The following SLC25A25 variants were observed in gnomAD, a reference collection of about 807,000 sequenced individuals.
SLC25A25 encodes the protein solute carrier family 25 member 25.
Under a neutral mutation model 57.7 loss-of-function variants are expected in SLC25A25, and 32 were observed. The ratio of observed to expected loss-of-function variants is 0.55; its 90% CI spans 0.42 to 0.74. SLC25A25 has a LOEUF of 0.74. SLC25A25 is among the 30% of genes least tolerant of loss of function. The pLI, the probability that SLC25A25 is intolerant of heterozygous loss-of-function variation, is 0.00. For synonymous variants in SLC25A25, 306 were observed against 291.2 expected, an observed-to-expected ratio of 1.05 and a Z score of -0.52; for missense variants, 556 against 701.3, an observed-to-expected ratio of 0.79 and a Z score of 2.34.
In SLC25A25 at chr9:128,106,484, C is replaced by T. The variant is rs144905207; in HGVS notation, c.1176C>T (p.Ile392=). 1.1e-4 allele frequency: 179 copies of T among 1,611,718 alleles called. No homozygotes were observed. In the African/African-American group the frequency reaches 2.2e-3, roughly 20 times the overall value. The change falls in exon 9 of 11, where the codon ATC becomes ATT. Residue 392 remains isoleucine (I), a synonymous_variant. Transcript: ENST00000373069. ...YKGYVPNMLG[I]IPYAGIDLAV... ...GCTATGTCCCCAACATGCTGGGCAT[C>T]ATCCCCTATGCCGGCATCGACCTTG...
intron 1 of SLC25A25, chr9:128,092,174 G>A: frequency 1.3e-6 from 2 of 1,509,646 alleles, no homozygotes; most frequent in Non-Finnish European, 8.9e-7. Context: ...TGGGGAGGAA[G>A]GGAGAACTCA....
At chr9:128,096,316 C>T (rs181312637) in intron 1 of SLC25A25, among the ~76,000 whole-genome samples, 1 of 152,282 alleles carries the variant, frequency 6.6e-6, no homozygotes, top group Admixed American at 6.5e-5. Flanking sequence ...GGAGACCAGC[C>T]TGGCCAACAT....
chr9:128,076,734 C>T (rs1833024712), intron 1 of SLC25A25, among the ~76,000 whole-genome samples: 1 of 151,582 alleles, frequency 6.6e-6, no homozygotes, highest in Non-Finnish European at 1.5e-5. Context: ...TCCCGAAGTG[C>T]TGGGATTACA....
At chr9:128,104,647 A>G (rs1415614134) in intron 6 of SLC25A25, among the ~76,000 whole-genome samples, 2 of 152,140 alleles carry the variant, frequency 1.3e-5, no homozygotes, top group African/African-American at 4.8e-5. Flanking sequence ...GGAATGTTGT[A>G]GAGATTGAAA....
chr9:128,091,563 A>AAAT (rs1564185390), intron 1 of SLC25A25: 2 of 1,028,878 alleles, frequency 1.9e-6, no homozygotes, highest in Non-Finnish European at 2.3e-6. Flanking sequence ...TTTTTTTTTA[A>AAAT]AAAAAAGCCA....
chr9:128,103,884 C>A lies in SLC25A25; in HGVS notation c.783+45C>A, dbSNP rs1053533769. The stretch of plus-strand genomic sequence containing the variant: ...CAGACCCCTGGGGGGCCAGTTTCCA[C>A]CTGGGGGATGCTGCTTGGCTAGTTT... On this transcript the variant is annotated intron_variant, in intron 6 of 10. Transcript: ENST00000373069. The surrounding 1 kb of genome is among the most constrained non-coding windows in gnomAD (Gnocchi z 6.7). The A allele has an allele frequency of 4.0e-6, 6 of 1,487,638 alleles. No individual in the cohort carries two copies. The highest frequency in any genetic ancestry group is 5.4e-6 in the Non-Finnish European group (6 of 1,120,146). 92.2% of individuals were successfully genotyped at this position (1,487,638 alleles called of 1,614,324 possible).
rs186019825 is a variant in SLC25A25, at chr9:128,073,935, T to C, written c.261+5355T>C. Among the ~76,000 whole-genome samples, 337 of 152,262 alleles carry C rather than the reference T, an allele frequency of 2.2e-3. 1 individual carries two copies. Among genetic ancestry groups the C allele is most frequent in the Non-Finnish European group, 3.9e-3 (263 of 68,004 alleles). On this transcript the variant is annotated intron_variant, in intron 1 of 10. Coordinates refer to ENST00000373069, the MANE Select transcript of SLC25A25 (RefSeq NM_001330988.2). ...TTTCAGTAGAGACTGGGTTGCGCCA[T>C]TTTGGCCAGGCTGGTATCCAACTCC...
intron 6 of SLC25A25, among the ~76,000 whole-genome samples, chr9:128,104,729 A>G (rs551205775): frequency 2.0e-5 from 3 of 152,130 alleles, no homozygotes; most frequent in African/African-American, 7.2e-5. Flanking sequence ...CAGGAGAGAG[A>G]GGTTGGCTGT....
rs187158593 is a variant in SLC25A25, at chr9:128,086,610, G to A, written c.262-14486G>A. On this transcript the variant is annotated intron_variant, in intron 1 of 10. Coordinates refer to ENST00000373069, the MANE Select transcript of SLC25A25 (RefSeq NM_001330988.2). ...GGCCTCCCAAAGTGCTGAGATTACA[G>A]GCGTGAGCCACTGTGCCTGGCCACT... Among the ~76,000 whole-genome samples, 350 of 152,192 alleles carry A rather than the reference G, an allele frequency of 2.3e-3. 3 individuals carry two copies. The highest frequency in any genetic ancestry group is 7.5e-3 in the African/African-American group (312 of 41,530).
chr9:128,100,345 C>T (rs1018945668), intron 1 of SLC25A25, among the ~76,000 whole-genome samples: 8 of 148,810 alleles, frequency 5.4e-5, no homozygotes, highest in Non-Finnish European at 6.0e-5. Flanking sequence ...GAGGCGGGGG[C>T]GGGGGGGGTT....
chr9:128,102,217 G>T lies in SLC25A25; in HGVS notation c.512+102G>T, dbSNP rs1833829180. The T allele has an allele frequency of 2.0e-6, 3 of 1,473,946 alleles. No individual in the cohort carries two copies. In the East Asian group the frequency reaches 7.4e-5, roughly 37 times the overall value. 91.3% of individuals were successfully genotyped at this position (1,473,946 alleles called of 1,614,324 possible). A position where few individuals can be genotyped will look rare whatever the true frequency, so the allele number is the denominator to read the frequency against. Reference sequence around the variant, plus strand: ...TATTGCCATTGTTGTGCTAAGTGGGGTGTGGAGCCCCCTGCTCTTTCTCCT... The same window carrying T: ...TATTGCCATTGTTGTGCTAAGTGGGTTGTGGAGCCCCCTGCTCTTTCTCCT... On this transcript the variant is annotated intron_variant, in intron 4 of 10. Transcript: ENST00000373069. The surrounding 1 kb of genome is among the most constrained non-coding windows in gnomAD (Gnocchi z 4.1).
intron 1 of SLC25A25, among the ~76,000 whole-genome samples, chr9:128,071,203 G>A (rs78306937): frequency 0.018 from 2,784 of 152,112 alleles, 79 homozygotes; most frequent in African/African-American, 0.057. Flanking sequence ...TGAATTTCTC[G>A]GGGCAAATAA....
In SLC25A25 at chr9:128,068,294, C is replaced by T. The variant is rs1485374370; in HGVS notation, c.-26C>T. On this transcript the variant is annotated 5_prime_UTR_variant, in exon 1 of 11. Coordinates refer to ENST00000373069, the MANE Select transcript of SLC25A25 (RefSeq NM_001330988.2). The stretch of plus-strand genomic sequence containing the variant: ...GGCCCGCCGCCCCCGCTCCCGCCCG[C>T]GCCCGGAGCCCCTGCCTCGCGCCCG... 7.8e-7 allele frequency: 1 copy of T among 1,275,922 alleles called. No homozygotes were observed. The highest frequency in any genetic ancestry group is 1.0e-6 in the Non-Finnish European group (1 of 1,002,922). 79.0% of individuals were successfully genotyped at this position (1,275,922 alleles called of 1,614,324 possible).
Position 128,099,500 on chromosome 9 carries a change from T to C in SLC25A25, c.262-1596T>C. 1.2e-6 allele frequency: 1 copy of C among 819,084 alleles called. No individual in the cohort carries two copies. The allele number at this position is 819,084 out of a possible 1,614,324, so 50.7% of individuals were successfully genotyped here. A position where few individuals can be genotyped will look rare whatever the true frequency, so the allele number is the denominator to read the frequency against. On this transcript the variant is annotated intron_variant, in intron 1 of 10. Transcript: ENST00000373069. This position sits in a 1 kb window ranked among gnomAD's most constrained non-coding sequence, Gnocchi z 6.8. ...GAGGGCTCCATGCCTGATGTTCGCC[T>C]CCTGCCTAAATGGCTTGTCCACTCT...
chr9:128,087,353 T>C (rs9775629), intron 1 of SLC25A25, among the ~76,000 whole-genome samples: 112,723 of 151,784 alleles, frequency 0.74, 43,675 homozygotes, highest in Non-Finnish European at 0.85. Context: ...CCTCCGCCTT[T>C]TGGGTTCAAG....
chr9:128,082,857 G>A (rs62586931), intron 1 of SLC25A25, among the ~76,000 whole-genome samples: 112,339 of 151,320 alleles, frequency 0.74, 43,485 homozygotes, highest in Non-Finnish European at 0.85. Flanking sequence ...GGTCTCAGGT[G>A]ATCCACCCAC....
At chr9:128,079,019 G>A (rs1001473210) in intron 1 of SLC25A25, among the ~76,000 whole-genome samples, 2 of 152,080 alleles carry the variant, frequency 1.3e-5, no homozygotes, top group African/African-American at 4.8e-5. Flanking sequence ...TTCCTAATAC[G>A]GGATATAAAA....
At chr9:128,098,540 C>G in intron 1 of SLC25A25, 1 of 1,598,696 alleles carries the variant, frequency 6.3e-7, no homozygotes, top group East Asian at 2.2e-5. Context: ...GTGGTGAGGG[C>G]AGTGGAGCAC....
In SLC25A25 at chr9:128,106,518, G is replaced by C; in HGVS notation, c.1210G>C (p.Glu404Gln). ...PYAGIDLAVY[E>Q]TLKNAWLQHY... is the part of the protein sequence containing the mutation. Reference sequence around the variant, plus strand: ...TGCCGGCATCGACCTTGCAGTCTACGAGGTGAGGCCCAAGCTGGACAGATT... The same window carrying C: ...TGCCGGCATCGACCTTGCAGTCTACCAGGTGAGGCCCAAGCTGGACAGATT... Residue 404 changes from glutamate (E) to glutamine (Q), a missense_variant and splice_region_variant, in exon 9 of 11, where the codon GAG becomes CAG. By Grantham distance (29) the Glu-to-Gln change is conservative. Coordinates refer to ENST00000373069, the MANE Select transcript of SLC25A25 (RefSeq NM_001330988.2). The C allele has an allele frequency of 1.9e-6, 3 of 1,600,998 alleles. No homozygotes were observed. The highest frequency in any genetic ancestry group is 1.1e-5 in the South Asian group (1 of 90,030).
Sources: gnomAD v4.1 joint callset for allele counts (sites outside exome capture counted in the v4.1 genomes callset) on GRCh38, gnomAD v4.1.1 for gene constraint, Gnocchi (gnomAD v3.1) non-coding constraint, MANE v1.5 for transcripts, NCBI Gene and HGNC (gene_info 2026-07-23, HGNC 2026-07-21) for gene names.